MYRIP: variants seen among roughly 807,000 people sequenced by gnomAD.
The protein encoded by MYRIP is rab effector MyRIP.
Under a neutral mutation model 98.0 loss-of-function variants are expected in MYRIP, and 49 were observed. The ratio of observed to expected loss-of-function variants is 0.50; its 90% confidence interval spans 0.40 to 0.63. MYRIP has a LOEUF of 0.63. MYRIP is among the 30% of genes least tolerant of loss of function. The pLI is 0.00. For missense variants in MYRIP, 1,004 were observed against 1,058.2 expected, an observed-to-expected ratio of 0.95 and a Z score of 0.71; for synonymous variants, 404 against 409.5, an observed-to-expected ratio of 0.99 and a Z score of 0.16.
intron 1 of MYRIP, among the ~76,000 whole-genome samples, chr3:39,865,572 A>T (rs1317838534): frequency 6.6e-6 from 1 of 152,218 alleles, no homozygotes; most frequent in African/African-American, 2.4e-5. Context: ...GCATATGAAA[A>T]AATGCTCTGC....
chr3:40,161,301 G>T (rs1950389640), intron 4 of MYRIP, among the ~76,000 whole-genome samples: 1 of 152,198 alleles, frequency 6.6e-6, no homozygotes, highest in Admixed American at 6.5e-5. Context: ...AAAGAGAGGT[G>T]TTGTACTAGA....
chr3:39,926,026 C>T (rs1371464450), intron 2 of MYRIP, among the ~76,000 whole-genome samples: 2 of 152,056 alleles, frequency 1.3e-5, no homozygotes, highest in Non-Finnish European at 2.9e-5. Flanking sequence ...AATAGCCATG[C>T]TGACTGATGT....
intron 3 of MYRIP, among the ~76,000 whole-genome samples, chr3:40,093,156 G>A (rs534900387): frequency 6.6e-6 from 1 of 152,344 alleles, no homozygotes; most frequent in East Asian, 1.9e-4. Flanking sequence ...GAGCCCAGTA[G>A]TGATGGGCTA....
chr3:40,218,646 A>T (rs1408520269), intron 11 of MYRIP, among the ~76,000 whole-genome samples: 1 of 139,778 alleles, frequency 7.2e-6, no homozygotes, highest in African/African-American at 2.7e-5. Context: ...ATATATATAT[A>T]TATATATATA....
At chr3:40,199,479 T>G (rs6789028) in intron 10 of MYRIP, among the ~76,000 whole-genome samples, 10,457 of 152,168 alleles carry the variant, frequency 0.069, 1,179 homozygotes, top group African/African-American at 0.24. Flanking sequence ...TTCGAGGGGA[T>G]GCTCTCTGAC....
intron 3 of MYRIP, among the ~76,000 whole-genome samples, chr3:40,105,865 C>T (rs1461623154): frequency 6.6e-6 from 1 of 152,110 alleles, no homozygotes; most frequent in African/African-American, 2.4e-5. Flanking sequence ...AGGGAAACTG[C>T]CCCCATGATC....
At position 40,097,485 on chromosome 3, in the gene MYRIP, T is replaced by G. The variant is rs1181234010; in HGVS notation, c.332+53214T>G. ...TTTGGTAGGAAAAAAAAAAGTCCCC[T>G]CTCAAAGCAATTTATTCAAGGCTTC... On this transcript the variant is annotated intron_variant, in intron 3 of 16. Coordinates refer to ENST00000302541, the MANE Select transcript of MYRIP (RefSeq NM_015460.4). Among the ~76,000 whole-genome samples the G allele has an allele frequency of 1.5e-4, 23 of 152,066 alleles. 1 individual carries two copies. Among genetic ancestry groups the G allele is most frequent in the Non-Finnish European group, 2.9e-5 (2 of 67,994 alleles).
intron 3 of MYRIP, among the ~76,000 whole-genome samples, chr3:40,057,252 G>A (rs1343720350): frequency 6.6e-6 from 1 of 152,080 alleles, no homozygotes; most frequent in Non-Finnish European, 1.5e-5. Context: ...AGCCTAAACA[G>A]TCCTATGTCA....
rs555672208 is a variant in MYRIP at position 39,889,300 on chromosome 3, C to T, written c.-30-11487C>T. Among the ~76,000 whole-genome samples, 23 of 152,234 alleles carry T rather than the reference C, an allele frequency of 1.5e-4. No homozygotes were observed. In the South Asian group the frequency reaches 3.9e-3, roughly 26 times the overall value. Reference sequence around the variant, plus strand: ...AACCCAAATGTCCAACAACGATAGACTGGATTAAGAAAATGTGGCACATAT... The same window carrying T: ...AACCCAAATGTCCAACAACGATAGATTGGATTAAGAAAATGTGGCACATAT... On this transcript the variant is annotated intron_variant, in intron 1 of 16. Coordinates refer to ENST00000302541, the MANE Select transcript of MYRIP (RefSeq NM_015460.4).
intron 3 of MYRIP, among the ~76,000 whole-genome samples, chr3:40,128,119 C>T (rs1456825823): frequency 6.6e-6 from 1 of 152,162 alleles, no homozygotes; most frequent in Non-Finnish European, 1.5e-5. Flanking sequence ...CTATTAACCT[C>T]AGTAGGGAAG....
At position 40,258,247 on chromosome 3, in the gene MYRIP, G is replaced by A. The variant is rs374108553; in HGVS notation, c.*81G>A. ...CTTGACCCAACAGCCATCGAGTACT[G>A]TATGTATTTCCACCTGAGGAGAAGG... On this transcript the variant is annotated 3_prime_UTR_variant, in exon 17 of 17. Transcript: ENST00000302541. 1.9e-5 allele frequency: 30 copies of A among 1,542,668 alleles called. No homozygotes were observed. The African/African-American group carries it at 3.7e-4, about 19-fold the overall frequency.
At chr3:39,948,155 A>G (rs1166841956) in intron 2 of MYRIP, among the ~76,000 whole-genome samples, 2 of 152,194 alleles carry the variant, frequency 1.3e-5, no homozygotes, top group African/African-American at 2.4e-5. Context: ...CATCATCTGA[A>G]TAAACCACCA....
At chr3:39,887,811 A>T (rs980901403) in intron 1 of MYRIP, among the ~76,000 whole-genome samples, 4 of 152,228 alleles carry the variant, frequency 2.6e-5, no homozygotes, top group African/African-American at 9.6e-5. Flanking sequence ...CCTTAAGCTG[A>T]TAAACAACTT....
chr3:40,206,590 C>A (rs980471488), intron 10 of MYRIP, among the ~76,000 whole-genome samples: 1 of 152,174 alleles, frequency 6.6e-6, no homozygotes, highest in African/African-American at 2.4e-5. Context: ...AGATGAGGGC[C>A]CTTCCTCTGA....
chr3:40,013,569 T>C (rs1188861557), intron 2 of MYRIP, among the ~76,000 whole-genome samples: 1 of 152,198 alleles, frequency 6.6e-6, no homozygotes, highest in Non-Finnish European at 1.5e-5. Context: ...TCTCACCAAC[T>C]ATGGGAAGTG....
intron 5 of MYRIP, among the ~76,000 whole-genome samples, chr3:40,164,582 C>T (rs1950464797): frequency 6.6e-6 from 1 of 152,222 alleles, no homozygotes; most frequent in East Asian, 1.9e-4. Context: ...TTCATGGCAA[C>T]ACCTGGACTA....
intron 2 of MYRIP, among the ~76,000 whole-genome samples, chr3:39,938,538 T>TTG (rs1272554082): frequency 6.6e-6 from 1 of 152,198 alleles, no homozygotes; most frequent in Non-Finnish European, 1.5e-5. Flanking sequence ...GGGCAGATAT[T>TTG]GCCAAATAGT....
chr3:40,031,270 G>A (rs143489193), intron 2 of MYRIP, among the ~76,000 whole-genome samples: 2 of 152,164 alleles, frequency 1.3e-5, no homozygotes, highest in East Asian at 1.9e-4. Context: ...CATTCACGAG[G>A]ATTTTACTCT....
intron 2 of MYRIP, among the ~76,000 whole-genome samples, chr3:39,945,762 G>A (rs1944887207): frequency 1.3e-5 from 2 of 152,090 alleles, no homozygotes; most frequent in Admixed American, 1.3e-4. Flanking sequence ...TTTAAGATTT[G>A]TGTTAATTTT....
Sources: allele counts gnomAD v4.1 joint callset (sites outside exome capture counted in the v4.1 genomes callset), GRCh38; gene constraint gnomAD v4.1.1; transcripts MANE v1.5; gene names NCBI Gene and HGNC (gene_info 2026-07-23, HGNC 2026-07-21).